DENND5B: variants seen among roughly 807,000 people sequenced by gnomAD.
DENND5B encodes the protein DENN domain containing 5B, also known as DENN domain-containing protein 5B.
In DENND5B, 34 loss-of-function variants were observed where a neutral mutation model predicts 140.6. The ratio of observed to expected loss-of-function variants is 0.24; its 90% CI spans 0.18 to 0.32. The LOEUF (loss-of-function observed/expected upper bound fraction) is 0.32, where lower values mean the gene tolerates loss of function less well. Ranked by LOEUF, DENND5B falls within the 10% of genes least tolerant of loss-of-function variation. DENND5B has a pLI of 1.00. For synonymous variants in DENND5B, 551 were observed against 562.1 expected (o/e 0.98, Z 0.28); for missense variants, 1,142 against 1,560.2 (o/e 0.73, Z 4.52).
chr12:31,400,376 C>T (rs1941727595), intron 15 of DENND5B, among the ~76,000 whole-genome samples: 1 of 152,098 alleles, frequency 6.6e-6, no homozygotes, highest in South Asian at 2.1e-4. Flanking sequence ...TTTTAAAAGG[C>T]ATAGTTATCA....
chr12:31,454,629 G>A (rs1333811942), intron 4 of DENND5B, among the ~76,000 whole-genome samples: 1 of 151,370 alleles, frequency 6.6e-6, no homozygotes, highest in Non-Finnish European at 1.5e-5. Context: ...ATTCTTAGTA[G>A]AGATGGGGTT....
intron 2 of DENND5B, among the ~76,000 whole-genome samples, chr12:31,483,417 A>T (rs972907107): frequency 2.6e-5 from 4 of 152,040 alleles, no homozygotes; most frequent in Non-Finnish European, 5.9e-5. Flanking sequence ...TACACTTTTT[A>T]AATAAATGTG....
chr12:31,402,243 T>C (rs1941840956), intron 15 of DENND5B, among the ~76,000 whole-genome samples: 3 of 151,816 alleles, frequency 2.0e-5, no homozygotes, highest in Admixed American at 1.3e-4. Context: ...ACCCTGAAAA[T>C]AGTAGGAGAA....
chr12:31,398,146 G>C, intron 17 of DENND5B, 29 bp downstream of exon 17: 3 of 1,547,686 alleles, frequency 1.9e-6, no homozygotes, highest in Non-Finnish European at 2.6e-6. Flanking sequence ...CATCATAGGA[G>C]CACATAAGAA....
At chr12:31,574,111 A>T (rs1031314677) in intron 1 of DENND5B, among the ~76,000 whole-genome samples, 1 of 151,456 alleles carries the variant, frequency 6.6e-6, no homozygotes, top group Non-Finnish European at 1.5e-5. Context: ...ATAAAAAAAA[A>T]AATTAGCCAG....
At chr12:31,392,776 C>G (rs1941217957) in intron 17 of DENND5B, 80 bp from the exon 18 acceptor site, 22 of 1,326,248 alleles carry the variant, frequency 1.7e-5, no homozygotes, top group Non-Finnish European at 2.3e-5. Context: ...CTGTGTCCAC[C>G]TAGGCAGGAA....
chr12:31,467,750 T>C (rs916829279), intron 3 of DENND5B, among the ~76,000 whole-genome samples: 2 of 152,178 alleles, frequency 1.3e-5, no homozygotes, highest in Admixed American at 6.6e-5. Context: ...GGCATGGAGT[T>C]AAAGCATTTT....
rs1940670106 is a variant in DENND5B at position 31,382,337 on chromosome 12, C to T, written c.*5266G>A. 6.6e-6 allele frequency: 1 copy of T among 152,036 alleles called. No individual in the cohort carries two copies. The highest frequency in any genetic ancestry group is 6.6e-5 in the Admixed American group (1 of 15,244). 9.4% of individuals were successfully genotyped at this position (152,036 alleles called of 1,614,324 possible). ...TTTGTCTGATATGTATGTTAAAGTG[C>T]TTAATATCACAATACTCTTTCAAAT... On this transcript the variant is annotated 3_prime_UTR_variant, in exon 21 of 21. Transcript: ENST00000389082.
chr12:31,585,299 G>A (rs1448364899), intron 1 of DENND5B, among the ~76,000 whole-genome samples: 1 of 152,116 alleles, frequency 6.6e-6, no homozygotes, highest in African/African-American at 2.4e-5. Flanking sequence ...AGCTACCCGG[G>A]GCAGACCTTC....
intron 1 of DENND5B, among the ~76,000 whole-genome samples, chr12:31,522,187 A>G (rs553876643): frequency 6.6e-6 from 1 of 152,262 alleles, no homozygotes; most frequent in East Asian, 1.9e-4. Context: ...CCCATCTCCC[A>G]CTAGGGAGAG....
chr12:31,483,046 C>T (rs148550354), intron 2 of DENND5B, among the ~76,000 whole-genome samples: 61 of 152,342 alleles, frequency 4.0e-4, no homozygotes, highest in Non-Finnish European at 7.1e-4. Context: ...GAACACACCC[C>T]GCGTGCTCCC....
chr12:31,523,436 T>C (rs537439387), intron 1 of DENND5B, among the ~76,000 whole-genome samples: 7 of 152,268 alleles, frequency 4.6e-5, no homozygotes, highest in African/African-American at 4.8e-5. Flanking sequence ...ATCCTGTTGC[T>C]GACACAATCC....
intron 2 of DENND5B, among the ~76,000 whole-genome samples, chr12:31,486,663 C>A (rs1345267287): frequency 1.3e-5 from 2 of 152,144 alleles, no homozygotes; most frequent in Non-Finnish European, 2.9e-5. Context: ...AATTGCCAAG[C>A]CCTATTTTAA....
At chr12:31,434,993 T>C (rs1943675198) in intron 7 of DENND5B, among the ~76,000 whole-genome samples, 1 of 152,184 alleles carries the variant, frequency 6.6e-6, no homozygotes, top group African/African-American at 2.4e-5. Context: ...CTTTCTCGTC[T>C]TTCTGTTATG....
chr12:31,505,274 T>C (rs1947155903), intron 1 of DENND5B, among the ~76,000 whole-genome samples: 2 of 150,092 alleles, frequency 1.3e-5, no homozygotes, highest in Non-Finnish European at 3.0e-5. Flanking sequence ...AGTCTTACTC[T>C]GTCACCCAGG....
chr12:31,544,858 A>C (rs920963463), intron 1 of DENND5B, among the ~76,000 whole-genome samples: 2 of 152,196 alleles, frequency 1.3e-5, no homozygotes, highest in African/African-American at 4.8e-5. Flanking sequence ...ACCTGAATCT[A>C]ATTAAGACTT....
At chr12:31,418,548 C>T (rs2137641032) in intron 11 of DENND5B, among the ~76,000 whole-genome samples, 1 of 151,836 alleles carries the variant, frequency 6.6e-6, no homozygotes, top group South Asian at 2.1e-4. Flanking sequence ...CCTGCCTCGG[C>T]CTCCCAAAGT....
intron 1 of DENND5B, among the ~76,000 whole-genome samples, chr12:31,530,401 G>T (rs12811775): frequency 9.9e-5 from 15 of 151,982 alleles, no homozygotes; most frequent in Non-Finnish European, 2.1e-4. Context: ...AACAATATAT[G>T]AATCAGTTTC....
intron 1 of DENND5B, among the ~76,000 whole-genome samples, chr12:31,520,864 AAC>A (rs1226907478): frequency 3.3e-5 from 5 of 152,082 alleles, no homozygotes; most frequent in South Asian, 2.1e-4. Flanking sequence ...CAACAACAAC[AAC>A]AAAAACAGGA....
Sources: allele counts gnomAD v4.1 joint callset (sites outside exome capture counted in the v4.1 genomes callset), GRCh38; gene constraint gnomAD v4.1.1; transcripts MANE v1.5; gene names NCBI Gene and HGNC (gene_info 2026-07-23, HGNC 2026-07-21).